Variants in TENM4 observed in about 807,000 individuals in gnomAD.
TENM4 encodes the protein teneurin transmembrane protein 4, also known as teneurin-4.
TENM4 carries 82 observed loss-of-function variants against 243.3 expected under a neutral mutation model. The observed-to-expected ratio is 0.34, with a 90% CI of 0.28 to 0.40. The LOEUF (loss-of-function observed/expected upper bound fraction) is 0.40. Ranked by LOEUF, TENM4 falls within the 10% of genes least tolerant of loss-of-function variation. The pLI is 1.00. For synonymous variants in TENM4, 1,412 were observed against 1,456.3 expected, an observed-to-expected ratio of 0.97 and a Z score of 0.69; for missense variants, 3,138 against 3,673.3, an observed-to-expected ratio of 0.85 and a Z score of 3.77.
chr11:78,929,242 C>G (rs1204651551), intron 6 of TENM4, among the ~76,000 whole-genome samples: 1 of 152,180 alleles, frequency 6.6e-6, no homozygotes, highest in Non-Finnish European at 1.5e-5. Context: ...GTGAACACGG[C>G]TGTCAGCTGA....
intron 12 of TENM4, among the ~76,000 whole-genome samples, chr11:78,843,602 GAGA>G (rs1858312474): frequency 6.6e-6 from 1 of 152,202 alleles, no homozygotes. Context: ...AGTAGTTCCA[GAGA>G]AGAATTTGTA....
intron 29 of TENM4, among the ~76,000 whole-genome samples, chr11:78,684,190 T>C (rs540322303): frequency 2.0e-5 from 3 of 152,364 alleles, no homozygotes; most frequent in African/African-American, 7.2e-5. Context: ...AGAGGCACTA[T>C]GGCACAGAGA....
intron 3 of TENM4, among the ~76,000 whole-genome samples, chr11:79,191,126 C>T (rs1468483772): frequency 1.9e-5 from 1 of 52,778 alleles, no homozygotes; most frequent in Non-Finnish European, 3.7e-5. Flanking sequence ...CTCCCTCTCC[C>T]TCTCCCGTCT....
At chr11:79,111,274 C>A (rs7112392) in intron 4 of TENM4, among the ~76,000 whole-genome samples, 1 of 152,058 alleles carries the variant, frequency 6.6e-6, no homozygotes, top group African/African-American at 2.4e-5. Flanking sequence ...GGCCAGGCGC[C>A]GTGGCTCACA....
At chr11:78,711,919 G>C (rs1341923548) in intron 26 of TENM4, among the ~76,000 whole-genome samples, 3 of 152,158 alleles carry the variant, frequency 2.0e-5, no homozygotes, top group Non-Finnish European at 4.4e-5. Context: ...CTATGTACTT[G>C]AATATTTGCT....
At chr11:78,848,152 CTTT>C (rs1222205082) in intron 12 of TENM4, among the ~76,000 whole-genome samples, 3 of 143,802 alleles carry the variant, frequency 2.1e-5, no homozygotes, top group African/African-American at 2.5e-5. Context: ...TCCCTCCCTC[CTTT>C]TTTTTTTTTT....
chr11:79,346,286 CAG>C lies in TENM4; in HGVS notation c.-320-48745_-320-48744del, dbSNP rs547472551. On this transcript the variant is annotated intron_variant, in intron 1 of 33. Coordinates refer to ENST00000278550, the MANE Select transcript of TENM4 (RefSeq NM_001098816.3). ...CTTCGATGTCAGCCGGACAGTACCT[CAG>C]TGTCTGGGTAAGTCTCTTCTCCTTT... Among the ~76,000 whole-genome samples, 18 of 152,286 alleles carry C rather than the reference CAG, an allele frequency of 1.2e-4. No homozygotes were observed. The East Asian group carries it at 3.3e-3, about 28-fold the overall frequency.
chr11:79,257,149 G>A (rs1197830270), intron 2 of TENM4, among the ~76,000 whole-genome samples: 2 of 152,046 alleles, frequency 1.3e-5, no homozygotes, highest in Non-Finnish European at 2.9e-5. Flanking sequence ...GGGCACATAT[G>A]GACCAATCAT....
At chr11:78,779,858 C>A (rs1186479116) in intron 16 of TENM4, among the ~76,000 whole-genome samples, 1 of 152,188 alleles carries the variant, frequency 6.6e-6, no homozygotes, top group Non-Finnish European at 1.5e-5. Context: ...TCATAAAAAA[C>A]CATAAATTAT....
intron 15 of TENM4, among the ~76,000 whole-genome samples, chr11:78,793,523 C>T (rs188143013): frequency 6.0e-4 from 92 of 152,262 alleles, no homozygotes; most frequent in Non-Finnish European, 1.0e-3. Flanking sequence ...ATTCCTGCCA[C>T]GATTTTTTGT....
chr11:78,699,615 A>T (rs1267738243), intron 28 of TENM4, among the ~76,000 whole-genome samples: 3 of 152,244 alleles, frequency 2.0e-5, no homozygotes, highest in African/African-American at 7.2e-5. Context: ...TATGAAGTGC[A>T]GTCTTTGGAA....
intron 9 of TENM4, among the ~76,000 whole-genome samples, chr11:78,875,979 G>A (rs1306483457): frequency 6.6e-6 from 1 of 152,226 alleles, no homozygotes; most frequent in Non-Finnish European, 1.5e-5. Context: ...TTTGTTCTGA[G>A]CCTCAGGTAT....
intron 6 of TENM4, among the ~76,000 whole-genome samples, chr11:78,952,415 G>T (rs571083167): frequency 3.3e-5 from 5 of 152,338 alleles, no homozygotes; most frequent in African/African-American, 1.2e-4. Context: ...ACCCAGGGAG[G>T]GCACTAGCAG....
chr11:79,295,987 G>A (rs563615035), intron 2 of TENM4, among the ~76,000 whole-genome samples: 5 of 150,048 alleles, frequency 3.3e-5, no homozygotes, highest in East Asian at 3.9e-4. Flanking sequence ...CAAAAGCTGC[G>A]TATCATGTAC....
At chr11:78,950,027 T>G (rs1591156081) in intron 6 of TENM4, among the ~76,000 whole-genome samples, 1 of 151,372 alleles carries the variant, frequency 6.6e-6, no homozygotes, top group Non-Finnish European at 1.5e-5. Context: ...ATGAGCAGGG[T>G]CAGCAGAGGC....
intron 3 of TENM4, among the ~76,000 whole-genome samples, chr11:79,173,418 CT>C (rs1022077976): frequency 1.8e-4 from 27 of 152,008 alleles, no homozygotes; most frequent in Admixed American, 2.6e-4. Flanking sequence ...CAGTTGGCAA[CT>C]TTTTTTTATG....
intron 6 of TENM4, among the ~76,000 whole-genome samples, chr11:79,008,899 C>T (rs1858568051): frequency 6.6e-6 from 1 of 152,208 alleles, no homozygotes; most frequent in Non-Finnish European, 1.5e-5. Context: ...GTGTCTATAT[C>T]ACCACGCCCT....
chr11:78,822,922 C>T (rs911798566), intron 12 of TENM4, among the ~76,000 whole-genome samples: 8 of 152,184 alleles, frequency 5.3e-5, no homozygotes, highest in African/African-American at 1.9e-4. Flanking sequence ...TTAACCCTCC[C>T]TGCGGTTCCT....
chr11:79,344,630 T>C (rs1414980926), intron 1 of TENM4, among the ~76,000 whole-genome samples: 1 of 152,214 alleles, frequency 6.6e-6, no homozygotes, highest in Non-Finnish European at 1.5e-5. Flanking sequence ...ATTTTGAAAG[T>C]CTCAGAATCC....
Sources: allele counts gnomAD v4.1 joint callset (sites outside exome capture counted in the v4.1 genomes callset), GRCh38; gene constraint gnomAD v4.1.1; transcripts MANE v1.5; gene names NCBI Gene and HGNC (gene_info 2026-07-23, HGNC 2026-07-21).